DKK2: variants seen among roughly 807,000 people sequenced by gnomAD.
DKK2 encodes the protein dickkopf Wnt signaling pathway inhibitor 2.
In DKK2, 11 loss-of-function variants were observed where a neutral mutation model predicts 28.1. The observed-to-expected ratio is 0.39, with a 90% CI of 0.25 to 0.65. The LOEUF (loss-of-function observed/expected upper bound fraction) is 0.65, where lower values mean the gene tolerates loss of function less well. Among genes scored for constraint, DKK2 ranks in the 30% least tolerant of loss-of-function variants. The pLI is 0.47. For synonymous variants in DKK2, 135 were observed against 126.5 expected, an observed-to-expected ratio of 1.07 and a Z score of -0.45; for missense variants, 326 against 335.5, an observed-to-expected ratio of 0.97 and a Z score of 0.22.
intron 1 of DKK2, among the ~76,000 whole-genome samples, chr4:107,021,439 T>A (rs1414074092): frequency 6.6e-6 from 1 of 152,112 alleles, no homozygotes; most frequent in Non-Finnish European, 1.5e-5. Context: ...GAAAATAATG[T>A]TTAAGCATGC....
Position 107,035,972 on chromosome 4 carries a change from A to C in DKK2, c.-381T>G. 3.7e-6 allele frequency: 1 copy of C among 272,702 alleles called. No homozygotes were observed. The highest frequency in any genetic ancestry group is 7.1e-6 in the Non-Finnish European group (1 of 140,964). 16.9% of individuals were successfully genotyped at this position (272,702 alleles called of 1,614,324 possible). A position where few individuals can be genotyped will look rare whatever the true frequency, so the allele number is the denominator to read the frequency against. ...GGTCCCGCCGGGATCTCGGCGGTTT[A>C]ACTCTCCTCTTAATTGATCAGGAGG... On this transcript the variant is annotated 5_prime_UTR_variant, in exon 1 of 4. Coordinates refer to ENST00000285311, the MANE Select transcript of DKK2 (RefSeq NM_014421.3).
chr4:106,927,643 A>G (rs1372121006), intron 1 of DKK2, among the ~76,000 whole-genome samples: 1 of 152,184 alleles, frequency 6.6e-6, no homozygotes, highest in African/African-American at 2.4e-5. Flanking sequence ...AATTCAGACT[A>G]TTAAGCCATT....
intron 1 of DKK2, among the ~76,000 whole-genome samples, chr4:106,988,980 C>T (rs1033584717): frequency 6.6e-6 from 1 of 152,188 alleles, no homozygotes; most frequent in Non-Finnish European, 1.5e-5. Context: ...TGAAGCTAGG[C>T]TCACCTGAAT....
At chr4:107,030,806 G>A (rs1723865237) in intron 1 of DKK2, among the ~76,000 whole-genome samples, 1 of 151,892 alleles carries the variant, frequency 6.6e-6, no homozygotes, top group Admixed American at 6.6e-5. Flanking sequence ...AAATGAAGAA[G>A]AGCCAATATT....
intron 1 of DKK2, among the ~76,000 whole-genome samples, chr4:106,947,647 A>T (rs1219422519): frequency 6.6e-6 from 1 of 151,710 alleles, no homozygotes; most frequent in Non-Finnish European, 1.5e-5. Flanking sequence ...CTTTAAAAAA[A>T]TTGATTAATT....
intron 1 of DKK2, among the ~76,000 whole-genome samples, chr4:107,003,026 T>C (rs1293744103): frequency 1.3e-5 from 2 of 152,218 alleles, no homozygotes; most frequent in African/African-American, 4.8e-5. Flanking sequence ...TATGAGTAGA[T>C]TGAAAGTGAG....
chr4:106,971,976 C>G (rs1722873776), intron 1 of DKK2, among the ~76,000 whole-genome samples: 1 of 152,098 alleles, frequency 6.6e-6, no homozygotes, highest in African/African-American at 2.4e-5. Context: ...ACACTACTTT[C>G]TTTGGTACTC....
intron 1 of DKK2, among the ~76,000 whole-genome samples, chr4:106,943,494 T>A (rs1028569468): frequency 2.6e-5 from 4 of 152,138 alleles, no homozygotes; most frequent in African/African-American, 9.7e-5. Flanking sequence ...AAGAGTTGAC[T>A]TTGTGGATAT....
At chr4:106,979,605 G>C (rs561411584) in intron 1 of DKK2, among the ~76,000 whole-genome samples, 1 of 152,070 alleles carries the variant, frequency 6.6e-6, no homozygotes, top group Non-Finnish European at 1.5e-5. Flanking sequence ...GCTACTCCAT[G>C]GTAAATTACA....
intron 1 of DKK2, among the ~76,000 whole-genome samples, chr4:106,987,240 T>C (rs990398026): frequency 6.6e-6 from 1 of 152,358 alleles, no homozygotes; most frequent in East Asian, 1.9e-4. Context: ...AACATGATTA[T>C]TCTTAGTAGA....
chr4:106,988,588 G>C (rs1723159113), intron 1 of DKK2, among the ~76,000 whole-genome samples: 1 of 151,978 alleles, frequency 6.6e-6, no homozygotes, highest in Non-Finnish European at 1.5e-5. Flanking sequence ...TCAAGTACAG[G>C]GTCTACCTGT....
chr4:106,972,543 G>T (rs1458305437), intron 1 of DKK2, among the ~76,000 whole-genome samples: 3 of 151,878 alleles, frequency 2.0e-5, no homozygotes, highest in East Asian at 1.9e-4. Context: ...GCCAATAAAA[G>T]TAAGTTGTCA....
intron 1 of DKK2, among the ~76,000 whole-genome samples, chr4:106,997,358 C>G (rs1723287247): frequency 6.6e-6 from 1 of 152,004 alleles, no homozygotes; most frequent in African/African-American, 2.4e-5. Flanking sequence ...ACATCCTTTC[C>G]TGGTTAAAAC....
At chr4:106,950,171 A>G (rs1182300070) in intron 1 of DKK2, among the ~76,000 whole-genome samples, 17 of 152,174 alleles carry the variant, frequency 1.1e-4, no homozygotes, top group Non-Finnish European at 1.8e-4. Flanking sequence ...AATATTCTAA[A>G]TGCTACTTTA....
intron 1 of DKK2, among the ~76,000 whole-genome samples, chr4:106,931,938 A>G (rs1465824466): frequency 6.6e-6 from 1 of 152,318 alleles, no homozygotes; most frequent in South Asian, 2.1e-4. Flanking sequence ...TTTGTCACCT[A>G]AAAAAGTTTT....
At chr4:107,013,306 A>G (rs932315462) in intron 1 of DKK2, among the ~76,000 whole-genome samples, 1 of 151,596 alleles carries the variant, frequency 6.6e-6, no homozygotes. Context: ...ACAAAGTTAT[A>G]GTAAACAAAA....
At chr4:106,938,246 AG>A (rs1208824982) in intron 1 of DKK2, among the ~76,000 whole-genome samples, 1 of 151,774 alleles carries the variant, frequency 6.6e-6, no homozygotes, top group African/African-American at 2.4e-5. Flanking sequence ...AAAAAAAGAG[AG>A]AAGAATCAAA....
At chr4:106,974,835 T>A (rs1722919355) in intron 1 of DKK2, among the ~76,000 whole-genome samples, 1 of 152,206 alleles carries the variant, frequency 6.6e-6, no homozygotes, top group African/African-American at 2.4e-5. Flanking sequence ...TCAAAGGGAA[T>A]GCTTCCAGCT....
intron 1 of DKK2, among the ~76,000 whole-genome samples, chr4:106,955,273 TC>T (rs111575564): frequency 0.061 from 9,342 of 152,252 alleles, 309 homozygotes; most frequent in Non-Finnish European, 0.074. Context: ...TTTGCCTCTC[TC>T]TTCTTATCCA....
Sources: allele counts gnomAD v4.1 joint callset (sites outside exome capture counted in the v4.1 genomes callset), GRCh38; gene constraint gnomAD v4.1.1; transcripts MANE v1.5; gene names NCBI Gene and HGNC (gene_info 2026-07-23, HGNC 2026-07-21).